EPN1: variants seen among roughly 807,000 people sequenced by gnomAD.
EPN1 encodes the protein epsin-1.
A neutral mutation model predicts 56.9 loss-of-function variants in EPN1; 25 were observed. That is an observed-to-expected ratio of 0.44 (90% CI 0.32 to 0.61). The LOEUF (loss-of-function observed/expected upper bound fraction) is 0.61. EPN1 is among the 20% of genes least tolerant of loss of function. The pLI, the probability that EPN1 is intolerant of heterozygous loss-of-function variation, is 0.05. For synonymous variants in EPN1, 411 were observed against 361.8 expected (o/e 1.14, Z -1.54); for missense variants, 785 against 823.7 (o/e 0.95, Z 0.58).
chr19:55,709,019 C>T lies in EPN1; in HGVS notation c.*13663C>T. 1 of 1,577,818 alleles carries T rather than the reference C, an allele frequency of 6.3e-7. No homozygotes were observed. The highest frequency in any genetic ancestry group is 8.6e-7 in the Non-Finnish European group (1 of 1,168,170). ...ACAGACATCAGGATCTTCTGAGTTTCTTCATCAAAGCCAGATTTGTGCAGC... is the reference window on the plus strand; with the variant it reads ...ACAGACATCAGGATCTTCTGAGTTTTTTCATCAAAGCCAGATTTGTGCAGC... On this transcript the variant is annotated 3_prime_UTR_variant, in exon 11 of 11. Transcript: ENST00000270460.
chr19:55,676,205 G>A (rs1434511109), intron 1 of EPN1, among the ~76,000 whole-genome samples: 1 of 152,224 alleles, frequency 6.6e-6, no homozygotes, highest in African/African-American at 2.4e-5. Context: ...CATAGCAAGT[G>A]TGTAATTACT....
intron 9 of EPN1, 68 bp downstream of exon 9, chr19:55,693,105 C>T: frequency 6.7e-7 from 1 of 1,498,356 alleles, no homozygotes; most frequent in Non-Finnish European, 9.2e-7. Flanking sequence ...GAGCCCCGTC[C>T]CTTGCTGTCT....
At chr19:55,688,723 C>G in intron 3 of EPN1, 147 bp from the exon 4 acceptor site, 1 of 1,201,448 alleles carries the variant, frequency 8.3e-7, no homozygotes, top group Non-Finnish European at 1.2e-6. Context: ...CTCCGCCTCT[C>G]AGTCCTAGTC....
At chr19:55,686,536 C>A (rs1013487705) in intron 3 of EPN1, among the ~76,000 whole-genome samples, 1 of 152,064 alleles carries the variant, frequency 6.6e-6, no homozygotes, top group Non-Finnish European at 1.5e-5. Context: ...GCTCGAGGGA[C>A]TGGACTTGTT....
At position 55,689,397 on chromosome 19, in the gene EPN1, C is replaced by G. The variant is rs1164345860; in HGVS notation, c.678+26C>G. Reference sequence around the variant, plus strand: ...GTCAGAGCAGCCTCCCTGTCCCTGCCCCTGCCAGGGGCTCCCCTCAGACCA... The same window carrying G: ...GTCAGAGCAGCCTCCCTGTCCCTGCGCCTGCCAGGGGCTCCCCTCAGACCA... On this transcript the variant is annotated intron_variant, in intron 5 of 10. Coordinates refer to ENST00000270460, the MANE Select transcript of EPN1 (RefSeq NM_001130072.2). The surrounding 1 kb of genome is among the most constrained non-coding windows in gnomAD (Gnocchi z 5.7). 7 of 1,537,738 alleles carry G rather than the reference C, an allele frequency of 4.6e-6. No individual in the cohort carries two copies. The East Asian group carries it at 1.5e-4, about 32-fold the overall frequency.
rs1325293141 is a variant in EPN1, at chr19:55,703,836, T to C, written c.*8480T>C. ...CACCTGCGTGTGAGCGGCTACCGCG[T>C]GGGCTGGGATTGGAGGAAGCTGGAA... On this transcript the variant is annotated 3_prime_UTR_variant, in exon 11 of 11. Transcript: ENST00000270460. 1.3e-5 allele frequency: 2 copies of C among 152,206 alleles called. No individual in the cohort carries two copies. Among genetic ancestry groups the C allele is most frequent in the Non-Finnish European group, 2.9e-5 (2 of 68,032 alleles). The allele number at this position is 152,206 out of a possible 1,614,324, so 9.4% of individuals were successfully genotyped here.
Position 55,688,882 on chromosome 19 carries a change from C to T in EPN1, c.491C>T (p.Ala164Val). ...ACCCGCCCTCCAGCCTCATCAGCAG[C>T]TGTGGGCTCAGGCCCCCCTCCCGAG... ...LAQTATASSA[A>V]VGSGPPPEAE... Residue 164 changes from alanine to valine, a missense_variant, in exon 4 of 11, where the codon GCT becomes GTT. Physicochemically the swap from Ala to Val is moderately conservative, Grantham distance 64. Coordinates refer to ENST00000270460, the MANE Select transcript of EPN1 (RefSeq NM_001130072.2). 1 of 1,578,598 alleles carries T rather than the reference C, an allele frequency of 6.3e-7. No individual in the cohort carries two copies. Among genetic ancestry groups the T allele is most frequent in the Non-Finnish European group, 8.6e-7 (1 of 1,162,506 alleles).
chr19:55,678,390 A>G, intron 1 of EPN1, 137 bp from the exon 2 acceptor site: 1 of 910,142 alleles, frequency 1.1e-6, no homozygotes, highest in Non-Finnish European at 1.6e-6. Context: ...TGAAACATGG[A>G]TGGGGTTACT....
Position 55,706,564 on chromosome 19 carries a change from A to G in EPN1, c.*11208A>G, listed in dbSNP as rs1987428527. 6.6e-6 allele frequency: 1 copy of G among 151,916 alleles called. No individual in the cohort carries two copies. The highest frequency in any genetic ancestry group is 1.5e-5 in the Non-Finnish European group (1 of 68,044). The allele number at this position is 151,916 out of a possible 1,614,324, so 9.4% of individuals were successfully genotyped here. On this transcript the variant is annotated 3_prime_UTR_variant, in exon 11 of 11. Coordinates refer to ENST00000270460, the MANE Select transcript of EPN1 (RefSeq NM_001130072.2). ...CTCCTCAGTAGGCTAAGGCGGGAGA[A>G]TCGCTTGAACCCAGAGGCAGAGGCT...
At position 55,685,602 on chromosome 19, in the gene EPN1, G is replaced by A. The variant is rs566004707; in HGVS notation, c.435G>A (p.Ala145=). 97 of 1,604,526 alleles carry A rather than the reference G, an allele frequency of 6.0e-5. No homozygotes were observed. Among genetic ancestry groups the A allele is most frequent in the African/African-American group, 3.9e-4 (29 of 74,854 alleles). Residue 145 remains alanine (A), a synonymous_variant, in exon 3 of 11, where the codon GCG becomes GCA. Coordinates refer to ENST00000270460, the MANE Select transcript of EPN1 (RefSeq NM_001130072.2). ...RDEDRLREER[A]HALKTKEKLA... ...AGGACCGGCTGCGGGAAGAGCGGGC[G>A]CACGCGCTCAAGACCAAGGAAAAGC...
rs1415723523 is a variant in EPN1, at chr19:55,705,202, G to A, written c.*9846G>A. On this transcript the variant is annotated 3_prime_UTR_variant, in exon 11 of 11. Coordinates refer to ENST00000270460, the MANE Select transcript of EPN1 (RefSeq NM_001130072.2). The stretch of plus-strand genomic sequence containing the variant: ...GGAGACCTCTTAGGAGTCTTTGAAG[G>A]AACTTAGCATAGATACCGATAGCTG... 1 of 152,220 alleles carries A rather than the reference G, an allele frequency of 6.6e-6. No homozygotes were observed. The highest frequency in any genetic ancestry group is 6.5e-5 in the Admixed American group (1 of 15,280). 9.4% of individuals were successfully genotyped at this position (152,220 alleles called of 1,614,324 possible). A position where few individuals can be genotyped will look rare whatever the true frequency, so the allele number is the denominator to read the frequency against.
At chr19:55,683,053 C>G (rs576515583) in intron 2 of EPN1, among the ~76,000 whole-genome samples, 1 of 150,904 alleles carries the variant, frequency 6.6e-6, no homozygotes, top group Non-Finnish European at 1.5e-5. Context: ...CCGCGCCCAG[C>G]CTGTTTTTTG....
rs1287477687 is a variant in EPN1, at chr19:55,701,990, C to G, written c.*6634C>G. The G allele has an allele frequency of 4.0e-5, 4 of 99,394 alleles. No homozygotes were observed. The highest frequency in any genetic ancestry group is 2.0e-4 in the African/African-American group (4 of 19,974). The allele number at this position is 99,394 out of a possible 1,614,324, so 6.2% of individuals were successfully genotyped here. On this transcript the variant is annotated 3_prime_UTR_variant, in exon 11 of 11. Transcript: ENST00000270460. ...TTTTTTTTTTTTTTTGAGATGGAGT[C>G]TCGCTCTGTCGCCCAGGCTGGAGTG...
At position 55,697,695 on chromosome 19, in the gene EPN1, T is replaced by G. The variant is rs966052734; in HGVS notation, c.*2339T>G. On this transcript the variant is annotated 3_prime_UTR_variant, in exon 11 of 11. Transcript: ENST00000270460. ...CACAGATCTCGTGTCTCCTACTTTA[T>G]TCCTCTTTCTAGAATATTCCAGCCA... 2 of 152,194 alleles carry G rather than the reference T, an allele frequency of 1.3e-5. No individual in the cohort carries two copies. Among genetic ancestry groups the G allele is most frequent in the African/African-American group, 4.8e-5 (2 of 41,434 alleles). 9.4% of individuals were successfully genotyped at this position (152,194 alleles called of 1,614,324 possible). A position where few individuals can be genotyped will look rare whatever the true frequency, so the allele number is the denominator to read the frequency against.
At chr19:55,693,273 C>T in intron 9 of EPN1, 3 of 522,982 alleles carry the variant, frequency 5.7e-6, no homozygotes, top group Non-Finnish European at 1.0e-5. Flanking sequence ...CTCAAGGTTT[C>T]CCACCCGAAT....
chr19:55,689,724 AT>A lies in EPN1; in HGVS notation c.679-140del. 1 of 792,328 alleles carries A rather than the reference AT, an allele frequency of 1.3e-6. No homozygotes were observed. The highest frequency in any genetic ancestry group is 2.7e-5 in the East Asian group (1 of 37,498). The allele number at this position is 792,328 out of a possible 1,614,324, so 49.1% of individuals were successfully genotyped here. On this transcript the variant is annotated intron_variant, in intron 5 of 10. Transcript: ENST00000270460. The surrounding 1 kb of genome is among the most constrained non-coding windows in gnomAD (Gnocchi z 5.7). ...CCTTTGACCCAGGTGCCCCATCCCC[AT>A]TTCATACATTGTCCGCATCCCATCG...
chr19:55,689,157 T>C lies in EPN1; in HGVS notation c.604-140T>C. ...CCTCATCCTCACCCCGCCGTCCCTCTGCGTGTCACTCTCTGCCTGTCCCTC... is the reference window on the plus strand; with the variant it reads ...CCTCATCCTCACCCCGCCGTCCCTCCGCGTGTCACTCTCTGCCTGTCCCTC... On this transcript the variant is annotated intron_variant, in intron 4 of 10. Coordinates refer to ENST00000270460, the MANE Select transcript of EPN1 (RefSeq NM_001130072.2). This position sits in a 1 kb window ranked among gnomAD's most constrained non-coding sequence, Gnocchi z 5.7. The C allele has an allele frequency of 8.7e-7, 1 of 1,150,146 alleles. No homozygotes were observed. Among genetic ancestry groups the C allele is most frequent in the Non-Finnish European group, 1.2e-6 (1 of 816,554 alleles). The allele number at this position is 1,150,146 out of a possible 1,614,324, so 71.2% of individuals were successfully genotyped here. A position where few individuals can be genotyped will look rare whatever the true frequency, so the allele number is the denominator to read the frequency against.
intron 3 of EPN1, among the ~76,000 whole-genome samples, chr19:55,688,552 C>T (rs1385129481): frequency 2.6e-5 from 4 of 152,152 alleles, no homozygotes; most frequent in Non-Finnish European, 4.4e-5. Flanking sequence ...ACCCCAGGCA[C>T]GCGGAGAGTC....
rs751207006 is a variant in EPN1 at position 55,694,933 on chromosome 19, C to T, written c.1472C>T (p.Pro491Leu). The T allele has an allele frequency of 1.9e-5, 29 of 1,564,282 alleles. No individual in the cohort carries two copies. The highest frequency in any genetic ancestry group is 5.4e-5 in the African/African-American group (4 of 73,656). The change falls in exon 10 of 11, where the codon CCG becomes CTG. Residue 491 changes from proline to leucine, a missense_variant. This residue lies in a region of EPN1 where 650 missense variants were observed against 605.0 expected (regional missense o/e 1.07). Coordinates refer to ENST00000270460, the MANE Select transcript of EPN1 (RefSeq NM_001130072.2). This position sits in a 1 kb window ranked among gnomAD's most constrained non-coding sequence, Gnocchi z 4.2. Reference protein sequence around the residue: ...LVDLDSLVSRPGPTPPGAKAS... With the variant: ...LVDLDSLVSRLGPTPPGAKAS... The stretch of plus-strand genomic sequence containing the variant: ...GACCTGGACTCGCTGGTGAGCCGGC[C>T]GGGCCCCACGCCGCCTGGAGCCAAG...
Sources: allele counts gnomAD v4.1 joint callset (sites outside exome capture counted in the v4.1 genomes callset), GRCh38; gene constraint gnomAD v4.1.1; regional missense constraint gnomAD v4.1.1; non-coding constraint Gnocchi (gnomAD v3.1); transcripts MANE v1.5; gene names NCBI Gene and HGNC (gene_info 2026-07-23, HGNC 2026-07-21).